Variants in LYPD6 observed in about 807,000 individuals in gnomAD.
LYPD6 encodes the protein ly6/PLAUR domain-containing protein 6.
In LYPD6, 15 loss-of-function variants were observed where a neutral mutation model predicts 22.7. The observed-to-expected ratio is 0.66, with a 90% CI of 0.44 to 1.02. The LOEUF is 1.02. Ranked by LOEUF, LYPD6 falls within the 50% of genes least tolerant of loss-of-function variation. The pLI is 0.00. For synonymous variants in LYPD6, 72 were observed against 77.5 expected, an observed-to-expected ratio of 0.93 and a Z score of 0.37; for missense variants, 189 against 208.4, an observed-to-expected ratio of 0.91 and a Z score of 0.57.
rs527516479 is a variant in LYPD6 at position 149,469,067 on chromosome 2, G to A, written c.348+292G>A. The stretch of plus-strand genomic sequence containing the variant: ...AGTAATAAAGCTACCAGAAAAAAGA[G>A]GAGCAAGAGACCAGTTATGTCCATC... On this transcript the variant is annotated intron_variant, in intron 4 of 4. Coordinates refer to ENST00000334166, the MANE Select transcript of LYPD6 (RefSeq NM_194317.5). Among the ~76,000 whole-genome samples, 4 of 152,314 alleles carry A rather than the reference G, an allele frequency of 2.6e-5. No homozygotes were observed. In the South Asian group the frequency reaches 8.3e-4, roughly 32 times the overall value.
rs572381509 is a variant in LYPD6 at position 149,332,815 on chromosome 2, G to T, written c.-72+2093G>T. 6.7e-4 allele frequency among the ~76,000 whole-genome samples: 102 copies of T among 152,322 alleles called. 1 individual carries two copies. The highest frequency in any genetic ancestry group is 2.1e-3 in the Admixed American group (32 of 15,304). ...TCAATATCATTTAGCTCCCACTAAG[G>T]TGAGGGCTGATAAAGAATTAAGGTG... On this transcript the variant is annotated intron_variant, in intron 1 of 4. Coordinates refer to ENST00000334166, the MANE Select transcript of LYPD6 (RefSeq NM_194317.5).
intron 1 of LYPD6, among the ~76,000 whole-genome samples, chr2:149,336,606 C>A (rs776781766): frequency 2.0e-5 from 3 of 152,150 alleles, no homozygotes; most frequent in Non-Finnish European, 4.4e-5. Context: ...TAAACCCTCT[C>A]TATTTGTTCA....
intron 1 of LYPD6, among the ~76,000 whole-genome samples, chr2:149,360,662 C>A (rs1002077063): frequency 6.6e-6 from 1 of 150,894 alleles, no homozygotes; most frequent in Admixed American, 6.6e-5. Context: ...TTGGGTTCTG[C>A]CTTCTGCAGT....
chr2:149,333,721 T>G (rs1047902944), intron 1 of LYPD6, among the ~76,000 whole-genome samples: 1 of 152,186 alleles, frequency 6.6e-6, no homozygotes, highest in Non-Finnish European at 1.5e-5. Flanking sequence ...ACACAATGCA[T>G]TTAAAATGCT....
chr2:149,434,493 G>T (rs1029829845), intron 1 of LYPD6, among the ~76,000 whole-genome samples: 6 of 151,916 alleles, frequency 3.9e-5, no homozygotes, highest in Admixed American at 1.3e-4. Context: ...CATATTTTTG[G>T]TCATAAAAGA....
intron 1 of LYPD6, among the ~76,000 whole-genome samples, chr2:149,389,046 G>A (rs568529344): frequency 2.8e-4 from 43 of 152,196 alleles, no homozygotes; most frequent in Middle Eastern, 3.4e-3. Context: ...TACAGCATAG[G>A]ATTTAAAGGT....
intron 3 of LYPD6, chr2:149,464,535 A>G (rs796389048): frequency 6.4e-6 from 1 of 157,196 alleles, no homozygotes; most frequent in African/African-American, 2.4e-5. Flanking sequence ...AAATTAACTG[A>G]TGATTCTATC....
intron 1 of LYPD6, among the ~76,000 whole-genome samples, chr2:149,431,904 T>C (rs1683322287): frequency 6.6e-6 from 1 of 152,114 alleles, no homozygotes; most frequent in Non-Finnish European, 1.5e-5. Flanking sequence ...CTCTTACAAC[T>C]CAAAAATAAT....
At chr2:149,469,335 C>T (rs1558819231) in intron 4 of LYPD6, among the ~76,000 whole-genome samples, 1 of 152,146 alleles carries the variant, frequency 6.6e-6, no homozygotes, top group Non-Finnish European at 1.5e-5. Flanking sequence ...TGTACAGAAG[C>T]ACTCAGTGTA....
intron 1 of LYPD6, among the ~76,000 whole-genome samples, chr2:149,385,252 C>G (rs541112026): frequency 6.6e-6 from 1 of 152,108 alleles, no homozygotes; most frequent in African/African-American, 2.4e-5. Context: ...TAAACCCAGC[C>G]TACCCATCTC....
intron 1 of LYPD6, among the ~76,000 whole-genome samples, chr2:149,363,638 G>A (rs973533200): frequency 6.6e-6 from 1 of 152,186 alleles, no homozygotes; most frequent in African/African-American, 2.4e-5. Context: ...AGCTAACCTA[G>A]ATCTGTGTGC....
chr2:149,484,469 G>A, the LYPD6 span, among the ~76,000 whole-genome samples: 2 of 152,234 alleles, frequency 1.3e-5, no homozygotes, highest in South Asian at 4.1e-4. Flanking sequence ...GAATAGAGAG[G>A]AGAAAGCTTG....
chr2:149,391,921 G>T (rs1337726554), intron 1 of LYPD6, among the ~76,000 whole-genome samples: 2 of 152,194 alleles, frequency 1.3e-5, no homozygotes, highest in African/African-American at 4.8e-5. Flanking sequence ...ATAGAAGTCG[G>T]TGCCTGAATC....
At chr2:149,477,226 T>TAG (rs1291967843), downstream of LYPD6, among the ~76,000 whole-genome samples, 1 of 152,212 alleles carries the variant, frequency 6.6e-6, no homozygotes. Flanking sequence ...GTGTGCTGTG[T>TAG]AGAGACACAT....
intron 1 of LYPD6, among the ~76,000 whole-genome samples, chr2:149,366,950 A>C (rs1681683912): frequency 6.6e-6 from 1 of 152,174 alleles, no homozygotes; most frequent in Non-Finnish European, 1.5e-5. Flanking sequence ...AATGATTTAC[A>C]AGCCTGTTTT....
At chr2:149,457,853 T>A (rs1449925748) in intron 3 of LYPD6, among the ~76,000 whole-genome samples, 2 of 152,178 alleles carry the variant, frequency 1.3e-5, no homozygotes, top group Non-Finnish European at 2.9e-5. Context: ...ACTAGGGACT[T>A]CAAGACTCAA....
chr2:149,448,298 AAAAG>A (rs1009721233), intron 2 of LYPD6, among the ~76,000 whole-genome samples: 40 of 152,336 alleles, frequency 2.6e-4, no homozygotes, highest in African/African-American at 6.7e-4. Context: ...AGAAAAAAAG[AAAAG>A]AAAGAAAGAA....
intron 1 of LYPD6, among the ~76,000 whole-genome samples, chr2:149,426,077 A>G (rs1683182838): frequency 6.6e-6 from 1 of 152,192 alleles, no homozygotes; most frequent in Admixed American, 6.5e-5. Context: ...GTTTGCAAAT[A>G]GGGTTAGCCA....
chr2:149,422,498 TGTTGGGTGTGG>T, intron 1 of LYPD6, among the ~76,000 whole-genome samples: 1 of 152,174 alleles, frequency 6.6e-6, no homozygotes, highest in Admixed American at 6.5e-5. Context: ...TGCTTGTGGC[TGTTGGGTGTGG>T]CTGCCACACC....
Sources: gnomAD v4.1 joint callset for allele counts (sites outside exome capture counted in the v4.1 genomes callset) on GRCh38, gnomAD v4.1.1 for gene constraint, MANE v1.5 for transcripts, NCBI Gene and HGNC (gene_info 2026-07-23, HGNC 2026-07-21) for gene names.